Variants in WDR7 observed in about 807,000 individuals in gnomAD.
WDR7 encodes the protein WD repeat domain 7, also known as WD repeat-containing protein 7.
In WDR7, 46 loss-of-function variants were observed where a neutral mutation model predicts 169.4. The ratio of observed to expected loss-of-function variants is 0.27; its 90% CI spans 0.21 to 0.35. The LOEUF (loss-of-function observed/expected upper bound fraction) is 0.35, where lower values mean the gene tolerates loss of function less well. Among genes scored for constraint, WDR7 ranks in the 10% least tolerant of loss-of-function variants. The pLI, the probability that WDR7 is intolerant of heterozygous loss-of-function variation, is 1.00. For missense variants in WDR7, 1,534 were observed against 1,859.3 expected (o/e 0.83, Z 3.22); for synonymous variants, 612 against 666.8 (o/e 0.92, Z 1.27).
intron 19 of WDR7, among the ~76,000 whole-genome samples, chr18:56,792,193 T>C (rs2044498921): frequency 6.6e-6 from 1 of 151,992 alleles, no homozygotes; most frequent in Admixed American, 6.6e-5. Context: ...AATTTAAAAT[T>C]TTTTCTTTCG....
chr18:56,917,857 T>A (rs1161799323), intron 21 of WDR7, among the ~76,000 whole-genome samples: 2 of 151,080 alleles, frequency 1.3e-5, no homozygotes, highest in East Asian at 1.9e-4. Context: ...ATAGCACCTT[T>A]AAAAAAAAAG....
At position 56,988,469 on chromosome 18, in the gene WDR7, C is replaced by G. The variant is rs75909659; in HGVS notation, c.4164+25940C>G. The stretch of plus-strand genomic sequence containing the variant: ...AGATTTATAAGCCAAAGTTTAAACC[C>G]ATAAGCTTTTATTTTATTGTTTAAG... On this transcript the variant is annotated intron_variant, in intron 26 of 27. Transcript: ENST00000254442. Among the ~76,000 whole-genome samples, 809 of 152,146 alleles carry G rather than the reference C, an allele frequency of 5.3e-3. 6 individuals carry two copies. The highest frequency in any genetic ancestry group is 0.019 in the African/African-American group (772 of 41,526).
intron 26 of WDR7, among the ~76,000 whole-genome samples, chr18:57,001,626 C>A (rs1219366113): frequency 1.3e-5 from 2 of 152,138 alleles, no homozygotes; most frequent in Admixed American, 1.3e-4. Context: ...ATGTATACAA[C>A]CATGTGACCA....
intron 22 of WDR7, among the ~76,000 whole-genome samples, chr18:56,926,587 T>C (rs750166059): frequency 2.0e-5 from 3 of 152,232 alleles, no homozygotes; most frequent in Non-Finnish European, 4.4e-5. Flanking sequence ...GCTTAGGTCT[T>C]ATCTACATGT....
At chr18:56,744,245 G>GAAA (rs58110613) in intron 14 of WDR7, among the ~76,000 whole-genome samples, 55 of 86,854 alleles carry the variant, frequency 6.3e-4, no homozygotes, top group South Asian at 9.4e-4. Flanking sequence ...TCTCAAAAAA[G>GAAA]AAAAAAAAAA....
chr18:56,753,195 G>A (rs2043822575), intron 14 of WDR7: 2 of 152,072 alleles, frequency 1.3e-5, no homozygotes, highest in Admixed American at 6.5e-5. Context: ...AGAGCTGATT[G>A]GCAATTTAAA....
At position 56,775,349 on chromosome 18, in the gene WDR7, C is replaced by CT. The variant is rs1306827467; in HGVS notation, c.2849-1433_2849-1432insT. Among the ~76,000 whole-genome samples, 4 of 151,956 alleles carry CT rather than the reference C, an allele frequency of 2.6e-5. No individual in the cohort carries two copies. In the East Asian group the frequency reaches 7.7e-4, roughly 29 times the overall value. On this transcript the variant is annotated intron_variant, in intron 16 of 27. Transcript: ENST00000254442. ...AACCTGCAAATTTACTCCTGGCTAC[C>CT]AAGGCTTACCAACTTTTTGCATGGA...
chr18:56,970,608 C>T (rs1160406394), intron 26 of WDR7, among the ~76,000 whole-genome samples: 2 of 152,190 alleles, frequency 1.3e-5, no homozygotes, highest in African/African-American at 4.8e-5. Flanking sequence ...TGCATAGCCT[C>T]ACCCATGATC....
intron 1 of WDR7, among the ~76,000 whole-genome samples, chr18:56,668,764 G>A (rs2025072783): frequency 6.6e-6 from 1 of 152,144 alleles, no homozygotes; most frequent in Non-Finnish European, 1.5e-5. Flanking sequence ...AGCATACACA[G>A]TAATACTTTT....
At chr18:57,030,955 G>T (rs568307445), downstream of WDR7, 1 of 150,802 alleles carries the variant, frequency 6.6e-6, no homozygotes, top group Non-Finnish European at 1.5e-5. Flanking sequence ...TCACAATTGT[G>T]TGACCATTGA....
At position 57,020,830 on chromosome 18, in the gene WDR7, G is replaced by A; in HGVS notation, c.4250G>A (p.Ser1417Asn). 3.1e-6 allele frequency: 5 copies of A among 1,614,160 alleles called. No homozygotes were observed. Among genetic ancestry groups the A allele is most frequent in the Non-Finnish European group, 4.2e-6 (5 of 1,180,008 alleles). The change falls in exon 27 of 28, where the codon AGC becomes AAC. Residue 1417 changes from serine to asparagine, a missense_variant. Transcript: ENST00000254442. ...CTTGCCACCTACTCAAACACTGACA[G>A]CCACATTTCTTTTTGGCAGGTAAGA... ...RYLATYSNTD[S>N]HISFWQMNTS...
chr18:56,719,679 T>C (rs2026277487), intron 13 of WDR7, among the ~76,000 whole-genome samples: 2 of 152,212 alleles, frequency 1.3e-5, no homozygotes, highest in African/African-American at 4.8e-5. Flanking sequence ...GTTTTCTTTT[T>C]TGGTCCACTT....
chr18:57,028,383 T>A lies in WDR7; in HGVS notation c.*1176T>A, dbSNP rs963532712. The A allele has an allele frequency of 6.6e-6, 1 of 152,204 alleles. No individual in the cohort carries two copies. The highest frequency in any genetic ancestry group is 2.4e-5 in the African/African-American group (1 of 41,444). The allele number at this position is 152,204 out of a possible 1,614,324, so 9.4% of individuals were successfully genotyped here. ...CTTTAACTAGACCACTTTCTTCTTATGTCAGATTGTGCTGGTTCTAGCTCA... is the reference window on the plus strand; with the variant it reads ...CTTTAACTAGACCACTTTCTTCTTAAGTCAGATTGTGCTGGTTCTAGCTCA... On this transcript the variant is annotated 3_prime_UTR_variant, in exon 28 of 28. Coordinates refer to ENST00000254442, the MANE Select transcript of WDR7 (RefSeq NM_015285.3).
chr18:56,975,779 G>C (rs62098608), intron 26 of WDR7, among the ~76,000 whole-genome samples: 1 of 152,192 alleles, frequency 6.6e-6, no homozygotes, highest in Non-Finnish European at 1.5e-5. Context: ...GGCACATGCT[G>C]TATGGAGAGG....
chr18:56,771,219 CATT>C (rs2145019735), intron 16 of WDR7, among the ~76,000 whole-genome samples: 1 of 152,252 alleles, frequency 6.6e-6, no homozygotes, highest in African/African-American at 2.4e-5. Flanking sequence ...TTGCTTTTGT[CATT>C]AATTTCCAAA....
chr18:56,969,685 A>C (rs1374538623), intron 26 of WDR7, among the ~76,000 whole-genome samples: 1 of 152,230 alleles, frequency 6.6e-6, no homozygotes, highest in Non-Finnish European at 1.5e-5. Context: ...TAATGTTTTC[A>C]TTAATGCTTC....
At chr18:56,984,270 AC>A (rs1383412431) in intron 26 of WDR7, among the ~76,000 whole-genome samples, 45 of 152,198 alleles carry the variant, frequency 3.0e-4, no homozygotes, top group Non-Finnish European at 5.6e-4. Flanking sequence ...ACATATTCCT[AC>A]CCATAAATTT....
At chr18:56,814,048 T>G (rs977365487) in intron 19 of WDR7, among the ~76,000 whole-genome samples, 1 of 152,186 alleles carries the variant, frequency 6.6e-6, no homozygotes, top group African/African-American at 2.4e-5. Flanking sequence ...GCTTAGTCCC[T>G]GGAAAGACTT....
chr18:56,759,031 A>T, intron 16 of WDR7, 78 bp downstream of exon 16: 3 of 1,184,014 alleles, frequency 2.5e-6, no homozygotes, highest in Non-Finnish European at 3.6e-6. Flanking sequence ...ATGTATAATC[A>T]TAATATTTGT....
Sources: allele counts gnomAD v4.1 joint callset (sites outside exome capture counted in the v4.1 genomes callset), GRCh38; gene constraint gnomAD v4.1.1; transcripts MANE v1.5; gene names NCBI Gene and HGNC (gene_info 2026-07-23, HGNC 2026-07-21).